The following KIF26B variants were observed in gnomAD, a reference collection of about 807,000 sequenced individuals.
KIF26B encodes the protein kinesin family member 26B, also known as kinesin-like protein KIF26B.
Under a neutral mutation model 151.2 loss-of-function variants are expected in KIF26B, and 63 were observed. That is an observed-to-expected ratio of 0.42 (90% CI 0.34 to 0.51). The LOEUF (loss-of-function observed/expected upper bound fraction) is 0.51, where lower values mean the gene tolerates loss of function less well. KIF26B is among the 20% of genes least tolerant of loss of function. The probability of loss-of-function intolerance (pLI) is 0.07; values close to 1 mark genes in which losing one functional copy is unlikely to be tolerated. For missense variants in KIF26B, 2,813 were observed against 2,913.6 expected, an observed-to-expected ratio of 0.97 and a Z score of 0.79; for synonymous variants, 1,357 against 1,262.1, an observed-to-expected ratio of 1.08 and a Z score of -1.59.
At chr1:245,204,525 C>T (rs1340364741) in intron 2 of KIF26B, among the ~76,000 whole-genome samples, 1 of 152,132 alleles carries the variant, frequency 6.6e-6, no homozygotes, top group Non-Finnish European at 1.5e-5. Flanking sequence ...AAGCGCCCGC[C>T]ACCATGCCCA....
At chr1:245,396,327 C>G (rs1673840231) in intron 3 of KIF26B, among the ~76,000 whole-genome samples, 2 of 148,998 alleles carry the variant, frequency 1.3e-5, no homozygotes, top group African/African-American at 5.1e-5. Flanking sequence ...TAAGTTATAC[C>G]TTTGAATAAA....
At chr1:245,303,197 C>CTTTTTTT (rs757473264) in intron 2 of KIF26B, among the ~76,000 whole-genome samples, 1 of 102,608 alleles carries the variant, frequency 9.7e-6, no homozygotes, top group Non-Finnish European at 1.9e-5. Flanking sequence ...ACTAAATGTT[C>CTTTTTTT]TTTTTTTTTT....
At chr1:245,276,191 C>T (rs889155666) in intron 2 of KIF26B, among the ~76,000 whole-genome samples, 1 of 152,050 alleles carries the variant, frequency 6.6e-6, no homozygotes, top group Non-Finnish European at 1.5e-5. Flanking sequence ...AAAAATTAGC[C>T]AGGTGTGGTA....
intron 2 of KIF26B, among the ~76,000 whole-genome samples, chr1:245,355,398 C>T (rs1268460235): frequency 6.6e-6 from 1 of 152,034 alleles, no homozygotes; most frequent in African/African-American, 2.4e-5. Flanking sequence ...ATCACCATCT[C>T]CAGCCTGGGC....
chr1:245,679,723 C>A (rs1572197775), intron 10 of KIF26B, among the ~76,000 whole-genome samples: 1 of 152,248 alleles, frequency 6.6e-6, no homozygotes, highest in East Asian at 1.9e-4. Context: ...CCCGCCTCAG[C>A]CTCTCAAAGT....
At chr1:245,461,939 C>T (rs562050964) in intron 4 of KIF26B, among the ~76,000 whole-genome samples, 6 of 152,040 alleles carry the variant, frequency 3.9e-5, no homozygotes, top group South Asian at 2.1e-4. Flanking sequence ...CATGGTGAGA[C>T]CCTGTCTTTA....
chr1:245,388,402 CA>C (rs1247181100), intron 3 of KIF26B, among the ~76,000 whole-genome samples: 1 of 152,174 alleles, frequency 6.6e-6, no homozygotes, highest in Non-Finnish European at 1.5e-5. Context: ...ATTCCTGAAG[CA>C]AAAGCCGCTA....
intron 5 of KIF26B, among the ~76,000 whole-genome samples, chr1:245,587,760 A>G (rs183241302): frequency 2.0e-4 from 30 of 152,236 alleles, no homozygotes; most frequent in Non-Finnish European, 3.7e-4. Flanking sequence ...AGTGCCTGGT[A>G]GTGGGGACTG....
chr1:245,566,189 A>C (rs946293541), intron 5 of KIF26B, among the ~76,000 whole-genome samples: 15 of 152,222 alleles, frequency 9.9e-5, no homozygotes, highest in African/African-American at 3.1e-4. Flanking sequence ...CACCATAGTT[A>C]GTGCATGCCA....
chr1:245,564,117 C>A lies in KIF26B; in HGVS notation c.1350+23167C>A, dbSNP rs928911351. Among the ~76,000 whole-genome samples the A allele has an allele frequency of 3.3e-5, 5 of 152,146 alleles. No individual in the cohort carries two copies. The highest frequency in any genetic ancestry group is 1.2e-4 in the African/African-American group (5 of 41,430). On this transcript the variant is annotated intron_variant, in intron 5 of 14. Transcript: ENST00000407071. The surrounding 1 kb of genome is among the most constrained non-coding windows in gnomAD (Gnocchi z 4.6). Reference sequence around the variant, plus strand: ...CAGGCTCCCACCGTCCCTTCCTATCCCAAAATGTCACCTCCCCTGTGTTGC... The same window carrying A: ...CAGGCTCCCACCGTCCCTTCCTATCACAAAATGTCACCTCCCCTGTGTTGC...
intron 2 of KIF26B, among the ~76,000 whole-genome samples, chr1:245,317,680 C>G (rs1280866735): frequency 6.6e-6 from 1 of 152,176 alleles, no homozygotes; most frequent in African/African-American, 2.4e-5. Context: ...CAGAGCTGCA[C>G]CCCTTTCTTC....
chr1:245,265,277 G>C (rs1035080841), intron 2 of KIF26B, among the ~76,000 whole-genome samples: 13 of 150,984 alleles, frequency 8.6e-5, no homozygotes, highest in African/African-American at 2.9e-4. Flanking sequence ...ATGACACGAT[G>C]TTATTAACAC....
chr1:245,552,959 G>A (rs1661929687), intron 5 of KIF26B, among the ~76,000 whole-genome samples: 1 of 152,128 alleles, frequency 6.6e-6, no homozygotes, highest in Non-Finnish European at 1.5e-5. Context: ...GGGAGGCAGG[G>A]GCTTGTTAGA....
At chr1:245,510,800 T>TGGAGGGAAA (rs1660819063) in intron 4 of KIF26B, among the ~76,000 whole-genome samples, 1 of 152,120 alleles carries the variant, frequency 6.6e-6, no homozygotes, top group Non-Finnish European at 1.5e-5. Flanking sequence ...GCACTGTTCT[T>TGGAGGGAAA]GGAGGGAAAT....
intron 5 of KIF26B, among the ~76,000 whole-genome samples, chr1:245,561,600 C>T (rs926311152): frequency 1.3e-4 from 20 of 152,208 alleles, no homozygotes; most frequent in Non-Finnish European, 2.6e-4. Context: ...ATACATCAAT[C>T]ATTTGCATGT....
chr1:245,662,475 T>TATAC (rs2044160323), intron 10 of KIF26B, among the ~76,000 whole-genome samples: 1 of 142,504 alleles, frequency 7.0e-6, no homozygotes, highest in Non-Finnish European at 1.5e-5. Flanking sequence ...GATACATATA[T>TATAC]ACACACACCC....
intron 2 of KIF26B, among the ~76,000 whole-genome samples, chr1:245,302,936 C>T (rs1321117720): frequency 1.6e-5 from 2 of 122,990 alleles, no homozygotes; most frequent in Non-Finnish European, 3.1e-5. Flanking sequence ...TTGCAGTGAG[C>T]CAAGATCGTG....
intron 3 of KIF26B, among the ~76,000 whole-genome samples, chr1:245,416,005 G>T (rs1674407112): frequency 6.6e-6 from 1 of 151,490 alleles, no homozygotes; most frequent in African/African-American, 2.4e-5. Flanking sequence ...GGTGGCTCAC[G>T]CCTGTAATCC....
intron 2 of KIF26B, among the ~76,000 whole-genome samples, chr1:245,359,270 C>T (rs191981147): frequency 5.3e-5 from 8 of 152,194 alleles, no homozygotes; most frequent in African/African-American, 1.7e-4. Context: ...CCTCCTGCCT[C>T]GGCCTCCCAA....
Sources: gnomAD v4.1 joint callset for allele counts (sites outside exome capture counted in the v4.1 genomes callset) on GRCh38, gnomAD v4.1.1 for gene constraint, Gnocchi (gnomAD v3.1) non-coding constraint, MANE v1.5 for transcripts, NCBI Gene and HGNC (gene_info 2026-07-23, HGNC 2026-07-21) for gene names.